The following PTPRM variants were observed in gnomAD, a reference collection of about 807,000 sequenced individuals.
PTPRM encodes the protein receptor-type tyrosine-protein phosphatase mu.
A neutral mutation model predicts 186.7 loss-of-function variants in PTPRM; 47 were observed. That is an observed-to-expected ratio of 0.25 (90% CI 0.20 to 0.32). The LOEUF is 0.32. Ranked by LOEUF, PTPRM falls within the 10% of genes least tolerant of loss-of-function variation. The pLI, the probability that PTPRM is intolerant of heterozygous loss-of-function variation, is 1.00. For synonymous variants in PTPRM, 668 were observed against 674.9 expected (o/e 0.99, Z 0.16); for missense variants, 1,494 against 1,865.0 (o/e 0.80, Z 3.66).
chr18:7,869,582 A>T (rs1211002483), intron 2 of PTPRM, among the ~76,000 whole-genome samples: 1 of 152,030 alleles, frequency 6.6e-6, no homozygotes, highest in Non-Finnish European at 1.5e-5. Context: ...GAAATGCAGA[A>T]ATCACCCGCC....
intron 1 of PTPRM, among the ~76,000 whole-genome samples, chr18:7,727,768 C>A (rs918782493): frequency 6.6e-6 from 1 of 152,302 alleles, no homozygotes; most frequent in African/African-American, 2.4e-5. Flanking sequence ...TGCAATTTTG[C>A]AGCAAGTCCA....
chr18:7,805,162 T>C (rs532983873), intron 2 of PTPRM, among the ~76,000 whole-genome samples: 2 of 152,386 alleles, frequency 1.3e-5, no homozygotes, highest in South Asian at 2.1e-4. Context: ...TCTCTGCAGA[T>C]GACTTGAAGC....
intron 14 of PTPRM, among the ~76,000 whole-genome samples, chr18:8,176,808 G>T (rs2093489730): frequency 1.3e-5 from 2 of 152,176 alleles, no homozygotes. Flanking sequence ...GTCAACCTCG[G>T]CAATAATAAA....
chr18:7,656,458 TGGGGATGGTGTTTCTGTTTTGC>T (rs2038851075), intron 1 of PTPRM, among the ~76,000 whole-genome samples: 1 of 152,020 alleles, frequency 6.6e-6, no homozygotes, highest in Non-Finnish European at 1.5e-5. Flanking sequence ...AGTTATGTAA[TGGGGATGGTGTTTCTGTTTTGC>T]GGGGATGAAA....
At chr18:8,362,838 C>T (rs1481240075) in intron 23 of PTPRM, among the ~76,000 whole-genome samples, 3 of 152,152 alleles carry the variant, frequency 2.0e-5, no homozygotes, top group African/African-American at 7.2e-5. Context: ...ACTCTCTTAG[C>T]CCATTTTACA....
intron 14 of PTPRM, among the ~76,000 whole-genome samples, chr18:8,162,212 G>A (rs2093244683): frequency 6.6e-6 from 1 of 151,012 alleles, no homozygotes; most frequent in East Asian, 1.9e-4. Flanking sequence ...CAATTCTCCT[G>A]CCTCAGCCTC....
intron 11 of PTPRM, among the ~76,000 whole-genome samples, chr18:8,092,126 A>T (rs940015963): frequency 2.0e-5 from 3 of 152,216 alleles, no homozygotes; most frequent in Non-Finnish European, 4.4e-5. Context: ...GCACTTCACT[A>T]AGTAAGGTGG....
chr18:7,952,699 A>AG (rs1568066645), intron 6 of PTPRM, among the ~76,000 whole-genome samples: 1 of 149,796 alleles, frequency 6.7e-6, no homozygotes, highest in African/African-American at 2.5e-5. Flanking sequence ...AAAAAAAAAA[A>AG]AAAAGAAAAG....
intron 1 of PTPRM, among the ~76,000 whole-genome samples, chr18:7,760,556 C>T (rs1402505909): frequency 2.0e-5 from 3 of 152,040 alleles, no homozygotes; most frequent in Non-Finnish European, 4.4e-5. Context: ...ACTCAGTGAT[C>T]CAAGTCATCA....
intron 2 of PTPRM, among the ~76,000 whole-genome samples, chr18:7,870,197 C>T (rs2146171716): frequency 6.6e-6 from 1 of 152,246 alleles, no homozygotes; most frequent in African/African-American, 2.4e-5. Flanking sequence ...CATAAATTAA[C>T]ATGTTTGTGG....
chr18:7,799,627 A>G (rs2043848559), intron 2 of PTPRM, among the ~76,000 whole-genome samples: 1 of 152,078 alleles, frequency 6.6e-6, no homozygotes, highest in African/African-American at 2.4e-5. Context: ...TAATCTACTT[A>G]CCTGATAATT....
At position 7,625,778 on chromosome 18, in the gene PTPRM, G is replaced by T. The variant is rs182863948; in HGVS notation, c.73+57887G>T. Among the ~76,000 whole-genome samples the T allele has an allele frequency of 2.5e-3, 376 of 152,302 alleles. 3 individuals are homozygous for T. The highest frequency in any genetic ancestry group is 8.5e-3 in the African/African-American group (353 of 41,572). On this transcript the variant is annotated intron_variant, in intron 1 of 32. Coordinates refer to ENST00000580170, the MANE Select transcript of PTPRM (RefSeq NM_001105244.2). ...TTGAACTCCTGATGTCAGGTGATCC[G>T]CCCGCCTCGGCCTCCCACAGTGCTG... is the stretch of plus-strand genomic sequence containing the variant.
chr18:8,197,883 C>T (rs529374205), intron 14 of PTPRM, among the ~76,000 whole-genome samples: 1 of 152,314 alleles, frequency 6.6e-6, no homozygotes, highest in Admixed American at 6.5e-5. Context: ...GACACACTCT[C>T]ATTGGAACTC....
At chr18:8,237,949 T>C (rs921594164) in intron 14 of PTPRM, among the ~76,000 whole-genome samples, 2 of 152,072 alleles carry the variant, frequency 1.3e-5, no homozygotes, top group Admixed American at 6.5e-5. Flanking sequence ...TAACGTGTTT[T>C]CCCCCCTTGG....
chr18:7,594,116 T>A (rs2037194373), intron 1 of PTPRM, among the ~76,000 whole-genome samples: 1 of 152,196 alleles, frequency 6.6e-6, no homozygotes, highest in Non-Finnish European at 1.5e-5. Flanking sequence ...ACACATTTTT[T>A]ATTGGAAAAA....
At chr18:7,675,854 C>A (rs961347679) in intron 1 of PTPRM, among the ~76,000 whole-genome samples, 2 of 151,942 alleles carry the variant, frequency 1.3e-5, no homozygotes, top group Non-Finnish European at 2.9e-5. Context: ...CCTGCCTCAG[C>A]CTCCTAAGTT....
chr18:7,823,750 C>T (rs1395561698), intron 2 of PTPRM, among the ~76,000 whole-genome samples: 2 of 152,172 alleles, frequency 1.3e-5, no homozygotes, highest in African/African-American at 4.8e-5. Flanking sequence ...TTGCCAGGGG[C>T]CCTTGGGTCG....
intron 2 of PTPRM, among the ~76,000 whole-genome samples, chr18:7,845,013 T>C (rs2046522982): frequency 6.6e-6 from 1 of 152,182 alleles, no homozygotes; most frequent in Non-Finnish European, 1.5e-5. Context: ...GTTAAGGTTT[T>C]TATAGACAGT....
At chr18:8,116,727 T>C (rs192536619) in intron 13 of PTPRM, among the ~76,000 whole-genome samples, 81 of 152,350 alleles carry the variant, frequency 5.3e-4, no homozygotes, top group East Asian at 3.5e-3. Context: ...CACAATAGAT[T>C]GAATTAGATA....
Sources: allele counts gnomAD v4.1 joint callset (sites outside exome capture counted in the v4.1 genomes callset), GRCh38; gene constraint gnomAD v4.1.1; transcripts MANE v1.5; gene names NCBI Gene and HGNC (gene_info 2026-07-23, HGNC 2026-07-21).